RCAN2: variants seen among roughly 807,000 people sequenced by gnomAD.
The protein encoded by RCAN2 is regulator of calcineurin 2.
RCAN2 carries 9 observed loss-of-function variants against 23.6 expected under a neutral mutation model. That is an observed-to-expected ratio of 0.38 (90% CI 0.23 to 0.67). RCAN2 has a LOEUF of 0.67. RCAN2 is among the 30% of genes least tolerant of loss of function. The probability of loss-of-function intolerance (pLI) is 0.51; values close to 1 mark genes in which losing one functional copy is unlikely to be tolerated. For synonymous variants in RCAN2, 109 were observed against 115.7 expected, an observed-to-expected ratio of 0.94 and a Z score of 0.37; for missense variants, 273 against 302.3, an observed-to-expected ratio of 0.90 and a Z score of 0.72.
At chr6:46,478,675 T>A (rs1338679008) in intron 1 of RCAN2, among the ~76,000 whole-genome samples, 1 of 152,196 alleles carries the variant, frequency 6.6e-6, no homozygotes, top group African/African-American at 2.4e-5. Context: ...ACCGAAGAAC[T>A]AAGGATAAAT....
At chr6:46,490,130 T>A (rs1025445374) in intron 1 of RCAN2, among the ~76,000 whole-genome samples, 1 of 152,238 alleles carries the variant, frequency 6.6e-6, no homozygotes, top group Non-Finnish European at 1.5e-5. Flanking sequence ...AAACTTGAGT[T>A]GCACTGTTAA....
chr6:46,294,838 G>T (rs772463612), intron 2 of RCAN2, among the ~76,000 whole-genome samples: 1 of 152,084 alleles, frequency 6.6e-6, no homozygotes, highest in Non-Finnish European at 1.5e-5. Context: ...ATTGTCCAAG[G>T]CTTAAGAAAA....
intron 2 of RCAN2, among the ~76,000 whole-genome samples, chr6:46,398,367 T>C (rs1741386139): frequency 6.6e-6 from 1 of 152,216 alleles, no homozygotes; most frequent in Non-Finnish European, 1.5e-5. Context: ...CTAGTGTTTC[T>C]TCCAAACTCT....
chr6:46,456,838 G>C lies in RCAN2; in HGVS notation c.139C>G (p.Gln47Glu). 1 of 1,550,732 alleles carries C rather than the reference G, an allele frequency of 6.4e-7. No homozygotes were observed. Among genetic ancestry groups the C allele is most frequent in the Non-Finnish European group, 8.7e-7 (1 of 1,146,994 alleles). ...VTRCFAEEAF[Q>E]AITDFNDLPN... ...AGGTCATTGAAGTCAGTGATTGCTT[G>C]AAAGGCTTCTTCTGCAAAACAACGA... The change falls in exon 2 of 5, where the codon CAA becomes GAA. Residue 47 changes from glutamine to glutamate, a missense_variant. Physicochemically the swap from Gln to Glu is conservative, Grantham distance 29. Coordinates refer to ENST00000371374, the MANE Select transcript of RCAN2 (RefSeq NM_001251974.2).
chr6:46,424,705 G>C (rs978062998), intron 2 of RCAN2, among the ~76,000 whole-genome samples: 1 of 152,128 alleles, frequency 6.6e-6, no homozygotes, highest in Non-Finnish European at 1.5e-5. Context: ...CTGACAGACT[G>C]TGTGACCTGG....
At chr6:46,452,466 C>A (rs1767908179) in intron 2 of RCAN2, among the ~76,000 whole-genome samples, 2 of 152,206 alleles carry the variant, frequency 1.3e-5, no homozygotes, top group South Asian at 4.1e-4. Flanking sequence ...ACTCCAGGAC[C>A]CAAACTGCCT....
At chr6:46,402,980 T>C (rs1173639997) in intron 2 of RCAN2, among the ~76,000 whole-genome samples, 2 of 152,050 alleles carry the variant, frequency 1.3e-5, no homozygotes, top group Non-Finnish European at 2.9e-5. Context: ...TTTTTTTTTT[T>C]TTGAGACGGA....
chr6:46,397,150 G>A (rs1766114486), intron 2 of RCAN2, among the ~76,000 whole-genome samples: 1 of 152,092 alleles, frequency 6.6e-6, no homozygotes, highest in African/African-American at 2.4e-5. Context: ...TATGTCTGAA[G>A]TTACTGTGTT....
chr6:46,476,594 T>C (rs1196086756), intron 1 of RCAN2, among the ~76,000 whole-genome samples: 2 of 152,208 alleles, frequency 1.3e-5, no homozygotes, highest in Non-Finnish European at 2.9e-5. Context: ...AGGAAACATA[T>C]ATTTTTGTCT....
chr6:46,471,891 GCA>G (rs139974801), intron 1 of RCAN2, among the ~76,000 whole-genome samples: 2 of 151,464 alleles, frequency 1.3e-5, no homozygotes, highest in Non-Finnish European at 2.9e-5. Context: ...AGGTGCGTGC[GCA>G]CACACACACA....
intron 2 of RCAN2, among the ~76,000 whole-genome samples, chr6:46,288,178 C>T (rs1368492258): frequency 2.0e-5 from 3 of 152,302 alleles, no homozygotes; most frequent in Middle Eastern, 3.4e-3. Context: ...GCAGCTGGGC[C>T]AGAGAGGACC....
rs549780221 is a variant in RCAN2, at chr6:46,459,627, C to A, written c.-2-2649G>T. On this transcript the variant is annotated intron_variant, in intron 1 of 4. Transcript: ENST00000371374. Reference sequence around the variant, plus strand: ...AGTCAGAGCTTTGAACAAAGAAATTCTAATTTCTCTTTCTAGTTTCATTAC... The same window carrying A: ...AGTCAGAGCTTTGAACAAAGAAATTATAATTTCTCTTTCTAGTTTCATTAC... Among the ~76,000 whole-genome samples, 33 of 152,222 alleles carry A rather than the reference C, an allele frequency of 2.2e-4. No homozygotes were observed. The South Asian group carries it at 6.9e-3, about 32-fold the overall frequency.
chr6:46,390,289 C>A (rs1318830716), intron 2 of RCAN2, among the ~76,000 whole-genome samples: 1 of 152,148 alleles, frequency 6.6e-6, no homozygotes, highest in Non-Finnish European at 1.5e-5. Context: ...TTCCAAGTTC[C>A]CCCTGACAAC....
chr6:46,256,855 C>T (rs1392221423), intron 2 of RCAN2, among the ~76,000 whole-genome samples: 2 of 152,208 alleles, frequency 1.3e-5, no homozygotes, highest in Non-Finnish European at 2.9e-5. Context: ...TGAAAAGCTT[C>T]TCATAGATCC....
intron 2 of RCAN2, among the ~76,000 whole-genome samples, chr6:46,452,839 T>C (rs1264384867): frequency 6.6e-6 from 1 of 152,214 alleles, no homozygotes; most frequent in Non-Finnish European, 1.5e-5. Flanking sequence ...CTAATGTAGA[T>C]GACGGGTTGA....
At chr6:46,232,471 T>C (rs551080327) in intron 4 of RCAN2, among the ~76,000 whole-genome samples, 2 of 152,108 alleles carry the variant, frequency 1.3e-5, no homozygotes, top group South Asian at 4.2e-4. Context: ...TCTTAAACAC[T>C]GACAATTAAC....
intron 2 of RCAN2, among the ~76,000 whole-genome samples, chr6:46,259,177 C>T (rs1767026732): frequency 6.6e-6 from 1 of 151,916 alleles, no homozygotes; most frequent in Non-Finnish European, 1.5e-5. Context: ...CCGAGTGAGA[C>T]CCTGTCTCAA....
In RCAN2 at chr6:46,436,311, C is replaced by T. The variant is rs987661307; in HGVS notation, c.225+20441G>A. Among the ~76,000 whole-genome samples, 6 of 152,242 alleles carry T rather than the reference C, an allele frequency of 3.9e-5. 1 individual carries two copies. Among genetic ancestry groups the T allele is most frequent in the Non-Finnish European group, 8.8e-5 (6 of 68,042 alleles). The stretch of plus-strand genomic sequence containing the variant: ...CACTGCAACCTCCACCTCCTGGGTT[C>T]AAGCAATTCTCCTGCCTCAGCCTCC... On this transcript the variant is annotated intron_variant, in intron 2 of 4. Coordinates refer to ENST00000371374, the MANE Select transcript of RCAN2 (RefSeq NM_001251974.2).
At chr6:46,417,400 C>A (rs898286076) in intron 2 of RCAN2, among the ~76,000 whole-genome samples, 1 of 152,072 alleles carries the variant, frequency 6.6e-6, no homozygotes, top group Non-Finnish European at 1.5e-5. Context: ...GTTTCTAAGC[C>A]TCCTGATTAA....
Sources: gnomAD v4.1 joint callset for allele counts (sites outside exome capture counted in the v4.1 genomes callset) on GRCh38, gnomAD v4.1.1 for gene constraint, MANE v1.5 for transcripts, NCBI Gene and HGNC (gene_info 2026-07-23, HGNC 2026-07-21) for gene names.